RAB6B: variants seen among roughly 807,000 people sequenced by gnomAD.
RAB6B encodes the protein ras-related protein Rab-6B.
Under a neutral mutation model 31.2 loss-of-function variants are expected in RAB6B, and 7 were observed. The observed-to-expected ratio is 0.22, with a 90% CI of 0.13 to 0.42. The LOEUF (loss-of-function observed/expected upper bound fraction) is 0.42, where lower values mean the gene tolerates loss of function less well. Among genes scored for constraint, RAB6B ranks in the 10% least tolerant of loss-of-function variants. The probability of loss-of-function intolerance (pLI) is 1.00; values close to 1 mark genes in which losing one functional copy is unlikely to be tolerated. For missense variants in RAB6B, 149 were observed against 280.6 expected (o/e 0.53, Z 3.35); for synonymous variants, 105 against 104.9 (o/e 1.00, Z -0.01).
intron 2 of RAB6B, among the ~76,000 whole-genome samples, chr3:133,849,985 A>G (rs1407985472): frequency 6.6e-6 from 1 of 152,170 alleles, no homozygotes; most frequent in East Asian, 1.9e-4. Flanking sequence ...TTAGAGAACA[A>G]TCTGCAAAGT....
intron 6 of RAB6B, among the ~76,000 whole-genome samples, chr3:133,835,449 GTGTC>G (rs1324571300): frequency 6.7e-6 from 1 of 150,118 alleles, no homozygotes; most frequent in African/African-American, 2.5e-5. Context: ...GGTAAGGTGT[GTGTC>G]TGCGTACATG....
chr3:133,895,656 G>A lies in RAB6B; in HGVS notation c.-190C>T. On this transcript the variant is annotated 5_prime_UTR_variant, in exon 1 of 8. Coordinates refer to ENST00000285208, the MANE Select transcript of RAB6B (RefSeq NM_016577.4). The stretch of plus-strand genomic sequence containing the variant: ...CGGCTGCGTGTCCGGCGGCGGAGGA[G>A]GAGGAGGAGAGAGAGGCGGAGGCGG... 1.6e-6 allele frequency: 1 copy of A among 612,204 alleles called. No individual in the cohort carries two copies. The highest frequency in any genetic ancestry group is 2.9e-6 in the Non-Finnish European group (1 of 349,830). The allele number at this position is 612,204 out of a possible 1,614,324, so 37.9% of individuals were successfully genotyped here.
chr3:133,861,200 T>C (rs1936156393), intron 2 of RAB6B, among the ~76,000 whole-genome samples: 2 of 152,254 alleles, frequency 1.3e-5, no homozygotes, highest in South Asian at 4.1e-4. Flanking sequence ...TCATAAATTT[T>C]GAAAATTACT....
intron 1 of RAB6B, among the ~76,000 whole-genome samples, chr3:133,873,626 C>G (rs1381142566): frequency 6.6e-6 from 1 of 152,188 alleles, no homozygotes; most frequent in African/African-American, 2.4e-5. Context: ...CTTCCTGCCT[C>G]TACCCCAAGG....
intron 1 of RAB6B, among the ~76,000 whole-genome samples, chr3:133,867,225 G>T (rs371097169): frequency 1.1e-4 from 17 of 152,294 alleles, no homozygotes; most frequent in African/African-American, 2.2e-4. Context: ...TAGGTGTGGG[G>T]TCCTGGCCAG....
rs1576414201 is a variant in RAB6B, at chr3:133,895,579, G to A, written c.-113C>T. The A allele has an allele frequency of 1.9e-6, 2 of 1,065,840 alleles. No individual in the cohort carries two copies. Among genetic ancestry groups the A allele is most frequent in the South Asian group, 1.4e-5 (1 of 71,032 alleles). 66.0% of individuals were successfully genotyped at this position (1,065,840 alleles called of 1,614,324 possible). On this transcript the variant is annotated 5_prime_UTR_variant, in exon 1 of 8. Coordinates refer to ENST00000285208, the MANE Select transcript of RAB6B (RefSeq NM_016577.4). Reference sequence around the variant, plus strand: ...GGCGGTGCGGGAGCCGGAGGGGGAAGGGCTGGCTGCGCGCGTCCCTGACTC... The same window carrying A: ...GGCGGTGCGGGAGCCGGAGGGGGAAAGGCTGGCTGCGCGCGTCCCTGACTC...
chr3:133,882,295 C>T (rs1936479627), intron 1 of RAB6B, among the ~76,000 whole-genome samples: 2 of 152,214 alleles, frequency 1.3e-5, no homozygotes, highest in African/African-American at 4.8e-5. Flanking sequence ...TGAACCTTTG[C>T]CGTACAACAT....
At position 133,889,388 on chromosome 3, in the gene RAB6B, T is replaced by TTATATA. The variant is rs5852771; in HGVS notation, c.70+6003_70+6008dup. Among the ~76,000 whole-genome samples, 54 of 80,250 alleles carry TTATATA rather than the reference T, an allele frequency of 6.7e-4. 1 individual carries two copies. The highest frequency in any genetic ancestry group is 9.6e-4 in the Non-Finnish European group (38 of 39,468). The allele number at this position is 80,250 out of a possible 152,430, so 52.6% of individuals were successfully genotyped here. A position where few individuals can be genotyped will look rare whatever the true frequency, so the allele number is the denominator to read the frequency against. ...ACAAAAGGACAATAAGGTTATTTTG[T>TTATATA]TATATATATATATATATATATATAT... On this transcript the variant is annotated intron_variant, in intron 1 of 7. Transcript: ENST00000285208.
Position 133,872,687 on chromosome 3 carries a change from C to A in RAB6B, c.71-8045G>T, listed in dbSNP as rs145026775. On this transcript the variant is annotated intron_variant, in intron 1 of 7. Coordinates refer to ENST00000285208, the MANE Select transcript of RAB6B (RefSeq NM_016577.4). Reference sequence around the variant, plus strand: ...GCATCTTTGGCAGCTCCCACTAGAGCCCTGAGGGGCTGGCTGGCTCACCGT... The same window carrying A: ...GCATCTTTGGCAGCTCCCACTAGAGACCTGAGGGGCTGGCTGGCTCACCGT... Among the ~76,000 whole-genome samples, 850 of 152,342 alleles carry A rather than the reference C, an allele frequency of 5.6e-3. 5 individuals are homozygous for A. Among genetic ancestry groups the A allele is most frequent in the African/African-American group, 0.019 (796 of 41,580 alleles).
chr3:133,840,469 T>G (rs1300250150), intron 4 of RAB6B, among the ~76,000 whole-genome samples: 1 of 151,958 alleles, frequency 6.6e-6, no homozygotes, highest in Non-Finnish European at 1.5e-5. Context: ...TGCACTCAGG[T>G]GTGGAGGGGG....
intron 7 of RAB6B, among the ~76,000 whole-genome samples, chr3:133,830,318 C>T (rs1652847132): frequency 6.6e-6 from 1 of 152,224 alleles, no homozygotes; most frequent in African/African-American, 2.4e-5. Context: ...ACAATCATGT[C>T]ACACTCTGCT....
chr3:133,852,639 T>TA (rs1393264468), intron 2 of RAB6B, among the ~76,000 whole-genome samples: 2 of 151,616 alleles, frequency 1.3e-5, no homozygotes, highest in Non-Finnish European at 2.9e-5. Context: ...CCCAGCTAAT[T>TA]AAAAAAACAA....
intron 2 of RAB6B, among the ~76,000 whole-genome samples, chr3:133,843,586 G>T (rs1442357528): frequency 6.6e-6 from 1 of 152,212 alleles, no homozygotes; most frequent in Non-Finnish European, 1.5e-5. Context: ...GCTTAGGACT[G>T]GTGGCAGGGA....
chr3:133,864,141 T>C (rs1023312259), intron 2 of RAB6B, among the ~76,000 whole-genome samples: 3 of 129,432 alleles, frequency 2.3e-5, no homozygotes, highest in Non-Finnish European at 4.7e-5. Flanking sequence ...TGTGCGCGCG[T>C]GTGTGTGTTT....
chr3:133,880,685 C>T (rs1202273852), intron 1 of RAB6B, among the ~76,000 whole-genome samples: 3 of 152,376 alleles, frequency 2.0e-5, no homozygotes, highest in Admixed American at 6.5e-5. Context: ...TACACCCTCA[C>T]ACAGCCTGCT....
chr3:133,885,148 G>A (rs1327024749), intron 1 of RAB6B, among the ~76,000 whole-genome samples: 2 of 151,274 alleles, frequency 1.3e-5, no homozygotes, highest in Non-Finnish European at 2.9e-5. Flanking sequence ...AATGGCTAGA[G>A]GATGGGCTGC....
At chr3:133,835,914 T>G (rs1342161764) in intron 6 of RAB6B, among the ~76,000 whole-genome samples, 1 of 152,112 alleles carries the variant, frequency 6.6e-6, no homozygotes, top group East Asian at 1.9e-4. Context: ...AAGCAATACA[T>G]TTCTGCTGTT....
Position 133,828,027 on chromosome 3 carries a change from G to A in RAB6B, c.*761C>T. 1.4e-6 allele frequency: 1 copy of A among 702,216 alleles called. No homozygotes were observed. The highest frequency in any genetic ancestry group is 2.6e-6 in the Non-Finnish European group (1 of 384,658). The allele number at this position is 702,216 out of a possible 1,614,324, so 43.5% of individuals were successfully genotyped here. A position where few individuals can be genotyped will look rare whatever the true frequency, so the allele number is the denominator to read the frequency against. On this transcript the variant is annotated 3_prime_UTR_variant, in exon 8 of 8. Transcript: ENST00000285208. Reference sequence around the variant, plus strand: ...CCTCTTGCTCTGCCAGTCCCTGAGGGCACAGAGAACACAAGGTTGCCTGTA... The same window carrying A: ...CCTCTTGCTCTGCCAGTCCCTGAGGACACAGAGAACACAAGGTTGCCTGTA...
intron 2 of RAB6B, among the ~76,000 whole-genome samples, chr3:133,860,842 T>C (rs1559907229): frequency 6.6e-6 from 1 of 152,206 alleles, no homozygotes; most frequent in Non-Finnish European, 1.5e-5. Flanking sequence ...TCCTAATTTG[T>C]GCCATGGTGT....
Sources: allele counts gnomAD v4.1 joint callset (sites outside exome capture counted in the v4.1 genomes callset), GRCh38; gene constraint gnomAD v4.1.1; transcripts MANE v1.5; gene names NCBI Gene and HGNC (gene_info 2026-07-23, HGNC 2026-07-21).